NBEA: variants seen among roughly 807,000 people sequenced by gnomAD.
The protein encoded by NBEA is neurobeachin.
NBEA carries 44 observed loss-of-function variants against 343.4 expected under a neutral mutation model. The observed-to-expected ratio is 0.13, with a 90% CI of 0.10 to 0.16. The LOEUF (loss-of-function observed/expected upper bound fraction) is 0.16. NBEA is among the 10% of genes least tolerant of loss of function. NBEA has a pLI of 1.00. For missense variants in NBEA, 2,555 were observed against 3,631.3 expected (o/e 0.70, Z 7.62); for synonymous variants, 1,175 against 1,238.7 (o/e 0.95, Z 1.08).
chr13:35,148,683 C>T (rs1261533929), intron 18 of NBEA, among the ~76,000 whole-genome samples: 1 of 151,970 alleles, frequency 6.6e-6, no homozygotes, highest in African/African-American at 2.4e-5. Context: ...TTTTCTTGTC[C>T]AGCTTTTTGC....
intron 11 of NBEA, among the ~76,000 whole-genome samples, chr13:35,104,618 A>G (rs981748386): frequency 2.0e-5 from 3 of 151,162 alleles, no homozygotes; most frequent in Non-Finnish European, 4.4e-5. Flanking sequence ...TATAGGTAAT[A>G]GAAGTTTCAT....
intron 35 of NBEA, among the ~76,000 whole-genome samples, chr13:35,293,585 C>G (rs2035934444): frequency 6.6e-6 from 1 of 151,952 alleles, no homozygotes; most frequent in African/African-American, 2.4e-5. Flanking sequence ...ATACTATCTT[C>G]TATCATAGCT....
intron 45 of NBEA, among the ~76,000 whole-genome samples, chr13:35,567,791 T>C (rs2080204875): frequency 6.6e-6 from 1 of 152,230 alleles, no homozygotes; most frequent in African/African-American, 2.4e-5. Flanking sequence ...CATTTGGTTT[T>C]AGGGGGCAGG....
chr13:35,287,922 T>C (rs2035541385), intron 34 of NBEA, among the ~76,000 whole-genome samples: 2 of 152,032 alleles, frequency 1.3e-5, no homozygotes, highest in African/African-American at 4.8e-5. Flanking sequence ...TGAGTCAGCA[T>C]ATATGTAAGT....
chr13:35,633,167 A>G (rs536044208), intron 49 of NBEA, among the ~76,000 whole-genome samples: 3 of 151,582 alleles, frequency 2.0e-5, no homozygotes, highest in African/African-American at 7.2e-5. Flanking sequence ...CAGTGGCGCA[A>G]TCTGGGCTCA....
In NBEA at chr13:35,537,980, G is replaced by A. The variant is rs188251144; in HGVS notation, c.6586-12497G>A. Among the ~76,000 whole-genome samples, 162 of 152,216 alleles carry A rather than the reference G, an allele frequency of 1.1e-3. 6 individuals carry two copies. Among genetic ancestry groups the A allele is most frequent in the Admixed American group, 9.7e-3 (148 of 15,292 alleles). On this transcript the variant is annotated intron_variant, in intron 41 of 58. Transcript: ENST00000379939. ...TTCTTCCCACTGTCCTCTTCAGGCCGTCTCTGAATATCTTGAATTCAGATC... is the reference window on the plus strand; with the variant it reads ...TTCTTCCCACTGTCCTCTTCAGGCCATCTCTGAATATCTTGAATTCAGATC...
At chr13:35,478,192 C>A (rs890272990) in intron 41 of NBEA, among the ~76,000 whole-genome samples, 1 of 152,180 alleles carries the variant, frequency 6.6e-6, no homozygotes, top group Non-Finnish European at 1.5e-5. Context: ...CATCACAAAA[C>A]CACCTATTAT....
At chr13:35,224,059 G>A (rs756518800) in intron 33 of NBEA, among the ~76,000 whole-genome samples, 1 of 152,136 alleles carries the variant, frequency 6.6e-6, no homozygotes, top group Non-Finnish European at 1.5e-5. Flanking sequence ...TTCGGCATTA[G>A]TAATAATGCA....
intron 18 of NBEA, among the ~76,000 whole-genome samples, chr13:35,153,036 CTTTT>C (rs1170584559): frequency 8.1e-6 from 1 of 123,356 alleles, no homozygotes. Context: ...TACATAGGTT[CTTTT>C]TTTTTTTTTT....
chr13:35,088,775 C>A (rs2064909037), intron 10 of NBEA, among the ~76,000 whole-genome samples: 1 of 150,492 alleles, frequency 6.6e-6, no homozygotes, highest in Non-Finnish European at 1.5e-5. Context: ...ACTATCTGAT[C>A]TTTGACAAAC....
intron 38 of NBEA, among the ~76,000 whole-genome samples, chr13:35,383,134 G>C (rs750542805): frequency 7.2e-5 from 11 of 152,116 alleles, no homozygotes; most frequent in Non-Finnish European, 1.3e-4. Flanking sequence ...TCATGGAAGA[G>C]AAATTTAGAC....
At chr13:35,621,732 CT>C (rs35865925) in intron 48 of NBEA, among the ~76,000 whole-genome samples, 24,707 of 152,082 alleles carry the variant, frequency 0.16, 2,366 homozygotes, top group East Asian at 0.44. Context: ...ATTCCTTCCT[CT>C]TGTGATCATC....
intron 8 of NBEA, among the ~76,000 whole-genome samples, chr13:35,060,252 T>C (rs985976453): frequency 2.0e-5 from 3 of 151,862 alleles, no homozygotes; most frequent in African/African-American, 7.2e-5. Context: ...TTAGAATTGA[T>C]GGGAGCTTCC....
At chr13:35,158,664 A>G (rs1214303070) in intron 21 of NBEA, among the ~76,000 whole-genome samples, 1 of 152,146 alleles carries the variant, frequency 6.6e-6, no homozygotes, top group Non-Finnish European at 1.5e-5. Context: ...ATTGTATATT[A>G]TTAGCTGCTT....
chr13:34,963,409 A>G (rs2059720209), intron 1 of NBEA, among the ~76,000 whole-genome samples: 1 of 151,960 alleles, frequency 6.6e-6, no homozygotes, highest in South Asian at 2.1e-4. Context: ...ATCTCTTTAA[A>G]GGTTCTATCT....
chr13:35,020,843 A>AT (rs574793860), intron 1 of NBEA, among the ~76,000 whole-genome samples: 208 of 151,834 alleles, frequency 1.4e-3, no homozygotes, highest in African/African-American at 4.7e-3. Context: ...TTATTGGTGG[A>AT]TTTTTTTTAT....
chr13:35,174,950 GC>G (rs1199442013), intron 27 of NBEA, among the ~76,000 whole-genome samples: 8 of 151,862 alleles, frequency 5.3e-5, no homozygotes, highest in Non-Finnish European at 1.0e-4. Context: ...GTGCCACCAC[GC>G]CCAGCTAATT....
At chr13:34,984,916 T>TA (rs1321224525) in intron 1 of NBEA, among the ~76,000 whole-genome samples, 4 of 151,108 alleles carry the variant, frequency 2.6e-5, no homozygotes. Context: ...TGAAGTTGCT[T>TA]ATCAGCTTAA....
At chr13:35,633,230 G>T (rs932015786) in intron 49 of NBEA, among the ~76,000 whole-genome samples, 5 of 151,358 alleles carry the variant, frequency 3.3e-5, no homozygotes, top group African/African-American at 1.2e-4. Flanking sequence ...AGCCTCCCAA[G>T]TAGCTGGGAC....
Sources: allele counts gnomAD v4.1 joint callset (sites outside exome capture counted in the v4.1 genomes callset), GRCh38; gene constraint gnomAD v4.1.1; transcripts MANE v1.5; gene names NCBI Gene and HGNC (gene_info 2026-07-23, HGNC 2026-07-21).